Variants in CPQ observed in about 807,000 individuals in gnomAD.
CPQ encodes the protein carboxypeptidase Q, also known as Ser-Met dipeptidase.
Under a neutral mutation model 45.7 loss-of-function variants are expected in CPQ, and 37 were observed. That is an observed-to-expected ratio of 0.81 (90% CI 0.62 to 1.07). The LOEUF (loss-of-function observed/expected upper bound fraction) is 1.07. CPQ is among the 50% of genes least tolerant of loss of function. The pLI, the probability that CPQ is intolerant of heterozygous loss-of-function variation, is 0.00. For synonymous variants in CPQ, 186 were observed against 205.8 expected, an observed-to-expected ratio of 0.90 and a Z score of 0.82; for missense variants, 537 against 572.9, an observed-to-expected ratio of 0.94 and a Z score of 0.64.
intron 6 of CPQ, among the ~76,000 whole-genome samples, chr8:97,050,319 AT>A (rs1810338910): frequency 1.3e-5 from 2 of 152,328 alleles, no homozygotes; most frequent in South Asian, 4.1e-4. Context: ...AAAATACATT[AT>A]CCAGGGCCCT....
chr8:97,084,154 T>C (rs1177805041), intron 7 of CPQ, among the ~76,000 whole-genome samples: 2 of 152,132 alleles, frequency 1.3e-5, no homozygotes, highest in African/African-American at 4.8e-5. Flanking sequence ...CAGACGTGGA[T>C]TTTAAGTTGT....
chr8:96,867,366 CTA>C lies in CPQ; in HGVS notation c.642-12430_642-12429del, dbSNP rs1458138524. Among the ~76,000 whole-genome samples the C allele has an allele frequency of 7.9e-5, 12 of 151,980 alleles. 1 individual carries two copies. In the South Asian group the frequency reaches 2.3e-3, roughly 29 times the overall value. On this transcript the variant is annotated intron_variant, in intron 3 of 7. Coordinates refer to ENST00000220763, the MANE Select transcript of CPQ (RefSeq NM_016134.4). ...CTCATCACTATTAATCAGTTTAAGA[CTA>C]TTTAGAAAAGGTACTGAGAGAAAGA...
At chr8:96,816,521 A>G (rs1278933379) in intron 2 of CPQ, among the ~76,000 whole-genome samples, 7 of 152,128 alleles carry the variant, frequency 4.6e-5, no homozygotes, top group African/African-American at 1.7e-4. Context: ...TCCTTCCATA[A>G]ATCATGAATA....
intron 5 of CPQ, among the ~76,000 whole-genome samples, chr8:97,002,488 C>T (rs1321013350): frequency 6.6e-6 from 1 of 152,168 alleles, no homozygotes; most frequent in African/African-American, 2.4e-5. Context: ...TTTCAAAGAA[C>T]TTCTTGATTT....
intron 7 of CPQ, among the ~76,000 whole-genome samples, chr8:97,108,954 C>T (rs975399260): frequency 1.3e-5 from 2 of 152,172 alleles, no homozygotes; most frequent in African/African-American, 4.8e-5. Flanking sequence ...CACAAAATGT[C>T]ACCACCGTTC....
chr8:96,840,158 A>G (rs1216606947), intron 3 of CPQ, among the ~76,000 whole-genome samples: 3 of 152,198 alleles, frequency 2.0e-5, no homozygotes, highest in East Asian at 3.9e-4. Context: ...GAATTGACCA[A>G]GAGAAAGGAG....
At chr8:96,916,748 G>T (rs1418549419) in intron 4 of CPQ, among the ~76,000 whole-genome samples, 3 of 151,918 alleles carry the variant, frequency 2.0e-5, no homozygotes, top group Admixed American at 6.6e-5. Flanking sequence ...CATCCTTTAG[G>T]CTCCTTTTGG....
At chr8:97,054,309 A>C (rs1810414328) in intron 6 of CPQ, among the ~76,000 whole-genome samples, 1 of 152,188 alleles carries the variant, frequency 6.6e-6, no homozygotes, top group African/African-American at 2.4e-5. Context: ...AAGGGAACTC[A>C]TACACTGCTG....
chr8:96,881,677 A>G (rs369268374), intron 4 of CPQ, among the ~76,000 whole-genome samples: 4 of 152,350 alleles, frequency 2.6e-5, no homozygotes, highest in Middle Eastern at 3.4e-3. Flanking sequence ...GGATCTTGTG[A>G]ATATTAAACC....
intron 5 of CPQ, among the ~76,000 whole-genome samples, chr8:96,996,624 A>C (rs1304645634): frequency 2.6e-5 from 4 of 152,088 alleles, no homozygotes; most frequent in Non-Finnish European, 5.9e-5. Flanking sequence ...ATCTGTACAT[A>C]GTATATTTAT....
chr8:96,786,724 G>A (rs1810773407), intron 2 of CPQ, among the ~76,000 whole-genome samples: 1 of 152,126 alleles, frequency 6.6e-6, no homozygotes, highest in Non-Finnish European at 1.5e-5. Context: ...TCTAGTGGGT[G>A]TGGAGTGGTA....
chr8:97,036,035 C>G (rs1306198191), intron 6 of CPQ, among the ~76,000 whole-genome samples: 3 of 152,156 alleles, frequency 2.0e-5, no homozygotes, highest in Admixed American at 6.5e-5. Context: ...TTTCGGTGTT[C>G]TGCTTTATGA....
chr8:96,989,355 A>G (rs1043294247), intron 5 of CPQ, among the ~76,000 whole-genome samples: 4 of 146,806 alleles, frequency 2.7e-5, no homozygotes, highest in Non-Finnish European at 6.0e-5. Flanking sequence ...AGAAATGGGC[A>G]TGTTTCAGGT....
chr8:96,779,946 G>A (rs976673691), intron 1 of CPQ, among the ~76,000 whole-genome samples: 1 of 152,238 alleles, frequency 6.6e-6, no homozygotes, highest in African/African-American at 2.4e-5. Context: ...ACAGTGTATA[G>A]TTTTCATAAT....
At chr8:96,951,715 T>C (rs1813268769) in intron 4 of CPQ, among the ~76,000 whole-genome samples, 1 of 152,140 alleles carries the variant, frequency 6.6e-6, no homozygotes, top group South Asian at 2.1e-4. Context: ...CCTTTCTAAA[T>C]AATGTGCTTT....
intron 7 of CPQ, among the ~76,000 whole-genome samples, chr8:97,091,220 G>A (rs1348007165): frequency 6.6e-6 from 1 of 152,176 alleles, no homozygotes; most frequent in Non-Finnish European, 1.5e-5. Context: ...AAGCCCAGAA[G>A]GAGACTAAAG....
intron 6 of CPQ, among the ~76,000 whole-genome samples, chr8:97,053,405 AG>A (rs1200853426): frequency 6.6e-6 from 1 of 152,214 alleles, no homozygotes; most frequent in East Asian, 1.9e-4. Flanking sequence ...TTTTTGATAG[AG>A]GGGAACAAGG....
rs756564661 is a variant in CPQ, at chr8:97,046,267, C to CT, written c.1053+16785dup. 4.2e-3 allele frequency among the ~76,000 whole-genome samples: 607 copies of CT among 145,624 alleles called. 5 individuals are homozygous for CT. The highest frequency in any genetic ancestry group is 0.014 in the Admixed American group (208 of 14,530). On this transcript the variant is annotated intron_variant, in intron 6 of 7. Transcript: ENST00000220763. ...CCTAAGCAGATCGGAACTTCTATTC[C>CT]TTTTTTTTTTTTCCAGAAGACCTCT...
chr8:96,684,638 C>G (rs910625076), intron 1 of CPQ, among the ~76,000 whole-genome samples: 2 of 152,138 alleles, frequency 1.3e-5, no homozygotes, highest in African/African-American at 4.8e-5. Flanking sequence ...CTTCAGGCCC[C>G]TGGATGGAAC....
Sources: allele counts gnomAD v4.1 joint callset (sites outside exome capture counted in the v4.1 genomes callset), GRCh38; gene constraint gnomAD v4.1.1; transcripts MANE v1.5; gene names NCBI Gene and HGNC (gene_info 2026-07-23, HGNC 2026-07-21).